Variants in FHAD1 observed in about 807,000 individuals in gnomAD.
FHAD1 encodes forkhead associated phosphopeptide binding domain 1.
In FHAD1, 146 loss-of-function variants were observed where a neutral mutation model predicts 191.3. The ratio of observed to expected loss-of-function variants is 0.76; its 90% confidence interval spans 0.67 to 0.88. The LOEUF (loss-of-function observed/expected upper bound fraction) is 0.88. Ranked by LOEUF, FHAD1 falls within the 40% of genes least tolerant of loss-of-function variation. The probability of loss-of-function intolerance (pLI) is 0.00; values close to 1 mark genes in which losing one functional copy is unlikely to be tolerated. For synonymous variants in FHAD1, 616 were observed against 672.3 expected (o/e 0.92, Z 1.29); for missense variants, 1,635 against 1,785.8 (o/e 0.92, Z 1.52).
intron 21 of FHAD1, 56 bp downstream of exon 21, chr1:15,358,339 T>G: frequency 6.7e-7 from 1 of 1,483,690 alleles, no homozygotes; most frequent in Non-Finnish European, 9.0e-7. Context: ...AAGATTACAG[T>G]GCCACGAGAA....
chr1:15,319,970 G>C (rs1337592267), intron 10 of FHAD1, among the ~76,000 whole-genome samples: 1 of 152,156 alleles, frequency 6.6e-6, no homozygotes, highest in Non-Finnish European at 1.5e-5. Flanking sequence ...CATGAACATG[G>C]AGTCAAAATG....
intron 1 of FHAD1, among the ~76,000 whole-genome samples, chr1:15,248,313 G>A (rs1646349197): frequency 6.6e-6 from 1 of 152,158 alleles, no homozygotes; most frequent in Admixed American, 6.5e-5. Flanking sequence ...GCCTGCCACT[G>A]CTTAATGATG....
At chr1:15,242,527 C>G (rs1189155201), upstream of FHAD1, among the ~76,000 whole-genome samples, 1 of 152,130 alleles carries the variant, frequency 6.6e-6, no homozygotes, top group Non-Finnish European at 1.5e-5. Context: ...TGCCCACATG[C>G]CTGGAAGTAG....
At position 15,358,337 on chromosome 1, in the gene FHAD1, A is replaced by G. The variant is rs757015024; in HGVS notation, c.2736+54A>G. On this transcript the variant is annotated intron_variant, in intron 21 of 33. Transcript: ENST00000688493. ...AATTTTTCTCTCAATGGAAGATTACAGTGCCACGAGAATGTGTGGTTTAGA... is the reference window on the plus strand; with the variant it reads ...AATTTTTCTCTCAATGGAAGATTACGGTGCCACGAGAATGTGTGGTTTAGA... 1,158 of 1,485,914 alleles carry G rather than the reference A, an allele frequency of 7.8e-4. 1 individual carries two copies. The highest frequency in any genetic ancestry group is 9.7e-4 in the Non-Finnish European group (1,075 of 1,111,830). The allele number at this position is 1,485,914 out of a possible 1,614,324, so 92.0% of individuals were successfully genotyped here.
chr1:15,307,165 T>C (rs2101025343), intron 6 of FHAD1, among the ~76,000 whole-genome samples: 1 of 152,354 alleles, frequency 6.6e-6, no homozygotes, highest in Admixed American at 6.5e-5. Context: ...CTTTAAAGTT[T>C]GACTGCCCTG....
intron 3 of FHAD1, among the ~76,000 whole-genome samples, chr1:15,282,055 C>T (rs1660799225): frequency 6.6e-6 from 1 of 152,178 alleles, no homozygotes; most frequent in Non-Finnish European, 1.5e-5. Flanking sequence ...TCTAACAGGG[C>T]CCGCACCTTC....
intron 4 of FHAD1, among the ~76,000 whole-genome samples, chr1:15,294,906 C>A (rs1220120373): frequency 6.6e-6 from 1 of 151,726 alleles, no homozygotes; most frequent in Non-Finnish European, 1.5e-5. Context: ...GCTCTAAGGC[C>A]GAATCTTAAT....
chr1:15,293,268 G>A lies in FHAD1; in HGVS notation c.569-3416G>A, dbSNP rs1035240885. Among the ~76,000 whole-genome samples the A allele has an allele frequency of 2.6e-5, 4 of 152,316 alleles. No individual in the cohort carries two copies. In the South Asian group the frequency reaches 8.3e-4, roughly 32 times the overall value. On this transcript the variant is annotated intron_variant, in intron 4 of 33. Transcript: ENST00000688493. ...AGTCAGTTCCCAACCCTTGCCCCCAGAGGTAACCACTCTTCCAAATTCTTT... is the reference window on the plus strand; with the variant it reads ...AGTCAGTTCCCAACCCTTGCCCCCAAAGGTAACCACTCTTCCAAATTCTTT...
chr1:15,262,735 CTGTGAATAA>C (rs1480517698), intron 2 of FHAD1, among the ~76,000 whole-genome samples: 1 of 152,172 alleles, frequency 6.6e-6, no homozygotes, highest in African/African-American at 2.4e-5. Flanking sequence ...CATTTGGCTA[CTGTGAATAA>C]TGTGAATAAT....
chr1:15,322,939 A>G (rs922481367), intron 10 of FHAD1, among the ~76,000 whole-genome samples: 3 of 152,334 alleles, frequency 2.0e-5, no homozygotes, highest in Non-Finnish European at 4.4e-5. Context: ...CCTCAGAATC[A>G]TGGCGGGAGG....
chr1:15,286,868 C>G (rs1390037133), intron 3 of FHAD1, among the ~76,000 whole-genome samples: 1 of 152,238 alleles, frequency 6.6e-6, no homozygotes, highest in Non-Finnish European at 1.5e-5. Flanking sequence ...GCACCCTTAA[C>G]TTAGAGCCCT....
At chr1:15,359,893 T>G (rs1460546016) in intron 21 of FHAD1, among the ~76,000 whole-genome samples, 2 of 151,652 alleles carry the variant, frequency 1.3e-5, no homozygotes, top group Non-Finnish European at 2.9e-5. Flanking sequence ...GAGCTTGCAG[T>G]GAGCCGAGAT....
rs539007306 is a variant in FHAD1 at position 15,392,388 on chromosome 1, T to C, written c.4323+1125T>C. On this transcript the variant is annotated intron_variant, in intron 33 of 33. Coordinates refer to ENST00000688493, the MANE Select transcript of FHAD1 (RefSeq NM_001391957.1). Reference sequence around the variant, plus strand: ...TTTACTAAAAATACAAAAAATTAGCTGGGCATGGTGGCGGGCGCCTGTAGT... The same window carrying C: ...TTTACTAAAAATACAAAAAATTAGCCGGGCATGGTGGCGGGCGCCTGTAGT... Among the ~76,000 whole-genome samples, 33 of 152,134 alleles carry C rather than the reference T, an allele frequency of 2.2e-4. No individual in the cohort carries two copies. In the South Asian group the frequency reaches 2.9e-3, roughly 13 times the overall value.
At chr1:15,250,959 A>T (rs1201831727) in intron 1 of FHAD1, among the ~76,000 whole-genome samples, 1 of 152,212 alleles carries the variant, frequency 6.6e-6, no homozygotes, top group Non-Finnish European at 1.5e-5. Flanking sequence ...AGTGTGTGCC[A>T]GGCACCATTC....
chr1:15,279,554 CAAA>C (rs57662759), intron 3 of FHAD1, among the ~76,000 whole-genome samples: 7,840 of 96,868 alleles, frequency 0.081, 721 homozygotes, highest in African/African-American at 0.24. Context: ...CCTTAAAACT[CAAA>C]AAAAAAAAAA....
intron 26 of FHAD1, among the ~76,000 whole-genome samples, chr1:15,370,592 T>C (rs1278291420): frequency 6.6e-6 from 1 of 152,236 alleles, no homozygotes; most frequent in African/African-American, 2.4e-5. Flanking sequence ...GCCCCATGGC[T>C]GTGTCTTGGT....
Position 15,317,846 on chromosome 1 carries a change from A to G in FHAD1, c.1283A>G (p.Glu428Gly). The change falls in exon 10 of 34, where the codon GAA becomes GGA. Residue 428 changes from glutamate to glycine, a missense_variant. Transcript: ENST00000688493. ...CAGCAAATCCAAGACATGGAGAAAG[A>G]AATGAAGAAGCTTAGGGCAGAGCTG... ...CKTQIQDMEK[E>G]MKKLRAELRK... 2 of 1,551,740 alleles carry G rather than the reference A, an allele frequency of 1.3e-6. No individual in the cohort carries two copies. Among genetic ancestry groups the G allele is most frequent in the Non-Finnish European group, 8.7e-7 (1 of 1,146,932 alleles).
At chr1:15,357,105 G>T (rs1200071987) in intron 20 of FHAD1, among the ~76,000 whole-genome samples, 8 of 152,188 alleles carry the variant, frequency 5.3e-5, no homozygotes, top group Admixed American at 5.2e-4. Context: ...CTGAGTCACA[G>T]GACATGCACA....
upstream of FHAD1, among the ~76,000 whole-genome samples, chr1:15,243,016 T>C (rs1268912234): frequency 2.6e-5 from 4 of 152,138 alleles, no homozygotes; most frequent in Admixed American, 2.0e-4. Context: ...CAGCACACTT[T>C]GCAGTTTTTG....
Sources: gnomAD v4.1 joint callset for allele counts (sites outside exome capture counted in the v4.1 genomes callset) on GRCh38, gnomAD v4.1.1 for gene constraint, MANE v1.5 for transcripts, NCBI Gene and HGNC (gene_info 2026-07-23, HGNC 2026-07-21) for gene names.